The following CACHD1 variants were observed in gnomAD, a reference collection of about 807,000 sequenced individuals.
CACHD1 encodes cache domain containing 1.
In CACHD1, 71 loss-of-function variants were observed where a neutral mutation model predicts 138.7. The ratio of observed to expected loss-of-function variants is 0.51; its 90% CI spans 0.42 to 0.62. The LOEUF (loss-of-function observed/expected upper bound fraction) is 0.62. Ranked by LOEUF, CACHD1 falls within the 20% of genes least tolerant of loss-of-function variation. CACHD1 has a pLI of 0.00. For synonymous variants in CACHD1, 578 were observed against 591.5 expected, an observed-to-expected ratio of 0.98 and a Z score of 0.33; for missense variants, 1,389 against 1,625.3, an observed-to-expected ratio of 0.85 and a Z score of 2.50.
At chr1:64,494,671 A>G (rs1022330578) in intron 1 of CACHD1, among the ~76,000 whole-genome samples, 1 of 152,210 alleles carries the variant, frequency 6.6e-6, no homozygotes, top group East Asian at 1.9e-4. Flanking sequence ...TTGACAGGAT[A>G]TGGTTGCTTA....
At chr1:64,538,380 A>G (rs1301958108) in intron 1 of CACHD1, among the ~76,000 whole-genome samples, 1 of 152,230 alleles carries the variant, frequency 6.6e-6, no homozygotes, top group East Asian at 1.9e-4. Flanking sequence ...TTTTTAAACA[A>G]TTTAAGTCAG....
At chr1:64,654,606 C>T (rs1223030933) in intron 11 of CACHD1, 80 bp from the exon 12 acceptor site, 1 of 1,018,926 alleles carries the variant, frequency 9.8e-7, no homozygotes, top group Admixed American at 1.9e-5. Flanking sequence ...GCCATTGACT[C>T]AACAGCTTCT....
rs913096133 is a variant in CACHD1 at position 64,672,778 on chromosome 1, T to G, written c.2511-380T>G. 3.9e-4 allele frequency among the ~76,000 whole-genome samples: 59 copies of G among 152,176 alleles called. 1 individual carries two copies. Among genetic ancestry groups the G allele is most frequent in the Non-Finnish European group, 1.6e-4 (11 of 68,042 alleles). ...ATATGCTTTACTTCAAATCTGTCAG[T>G]AGAAATACTCAAGTCTACTTCCTTT... On this transcript the variant is annotated intron_variant, in intron 17 of 26. Coordinates refer to ENST00000651257, the MANE Select transcript of CACHD1 (RefSeq NM_020925.4).
chr1:64,666,092 C>A lies in CACHD1; in HGVS notation c.2312C>A (p.Ser771Tyr). Residue 771 changes from serine to tyrosine, a missense_variant, in exon 16 of 27, where the codon TCT becomes TAT. By Grantham distance (144) the Ser-to-Tyr change is moderately radical (BLOSUM62 -2). Around this residue, in one of 5 missense-constraint regions of CACHD1, gnomAD observed 1,000 missense variants for 1,114.7 expected, o/e 0.90. Coordinates refer to ENST00000651257, the MANE Select transcript of CACHD1 (RefSeq NM_020925.4). ...GCAGTAGCTAATCCAGGGTTGATTTCTTTGACTGGTCCTTACTTAGATGTT... is the reference window on the plus strand; with the variant it reads ...GCAGTAGCTAATCCAGGGTTGATTTATTTGACTGGTCCTTACTTAGATGTT... The part of the protein sequence containing the change: ...LHAVANPGLI[S>Y]LTGPYLDVGG... 1 of 1,612,648 alleles carries A rather than the reference C, an allele frequency of 6.2e-7. No homozygotes were observed. The highest frequency in any genetic ancestry group is 1.1e-5 in the South Asian group (1 of 90,990).
At chr1:64,569,263 TA>T (rs1274503583) in intron 2 of CACHD1, among the ~76,000 whole-genome samples, 6 of 152,168 alleles carry the variant, frequency 3.9e-5, no homozygotes, top group Middle Eastern at 3.4e-3. Context: ...GAAATACAAA[TA>T]AAAAAATAAA....
At position 64,678,286 on chromosome 1, in the gene CACHD1, T is replaced by G. The variant is rs1650060474; in HGVS notation, c.3220T>G (p.Tyr1074Asp). Residue 1074 changes from tyrosine to aspartate, a missense_variant, in exon 23 of 27, where the codon TAC becomes GAC. Tyr to Asp is a radical substitution (Grantham distance 160). Around this residue, in one of 5 missense-constraint regions of CACHD1, gnomAD observed 250 missense variants for 292.9 expected, o/e 0.85. Coordinates refer to ENST00000651257, the MANE Select transcript of CACHD1 (RefSeq NM_020925.4). ...FGGIVGAKSP[Y>D]VDDMGAIGDE... ...GGGGATTGTGGGAGCCAAAAGTCCC[T>G]ACGTTGATGACATGGGAGCAATAGG... 1.3e-6 allele frequency: 2 copies of G among 1,589,184 alleles called. No individual in the cohort carries two copies. Among genetic ancestry groups the G allele is most frequent in the Non-Finnish European group, 8.5e-7 (1 of 1,171,492 alleles).
intron 1 of CACHD1, among the ~76,000 whole-genome samples, chr1:64,533,309 T>C (rs1241062731): frequency 1.3e-5 from 2 of 152,180 alleles, no homozygotes; most frequent in Admixed American, 6.5e-5. Flanking sequence ...TGAGATGAGA[T>C]TGTGCCATCA....
intron 1 of CACHD1, among the ~76,000 whole-genome samples, chr1:64,514,040 T>C (rs1646441252): frequency 6.6e-6 from 1 of 152,222 alleles, no homozygotes; most frequent in Non-Finnish European, 1.5e-5. Context: ...TAAAAAACAA[T>C]TGGAGGAAAA....
chr1:64,639,715 T>A (rs1294542840), intron 7 of CACHD1, among the ~76,000 whole-genome samples: 1 of 152,252 alleles, frequency 6.6e-6, no homozygotes, highest in Non-Finnish European at 1.5e-5. Context: ...AAATTCAAGT[T>A]TTGTGTCTTC....
intron 3 of CACHD1, among the ~76,000 whole-genome samples, chr1:64,597,856 T>A (rs1647169551): frequency 6.6e-6 from 1 of 152,166 alleles, no homozygotes; most frequent in Admixed American, 6.6e-5. Flanking sequence ...TACTTCTTAA[T>A]GAAAAATCTT....
At chr1:64,589,185 G>A (rs1459080156) in intron 3 of CACHD1, among the ~76,000 whole-genome samples, 1 of 152,164 alleles carries the variant, frequency 6.6e-6, no homozygotes, top group Non-Finnish European at 1.5e-5. Flanking sequence ...GGAGCTCTTT[G>A]AGTTGGGGCA....
intron 1 of CACHD1, among the ~76,000 whole-genome samples, chr1:64,529,545 G>A (rs1160223957): frequency 6.6e-6 from 1 of 152,040 alleles, no homozygotes; most frequent in Non-Finnish European, 1.5e-5. Context: ...TATTACATTA[G>A]CAACAATAAA....
At chr1:64,588,221 C>A (rs1647066744) in intron 3 of CACHD1, among the ~76,000 whole-genome samples, 1 of 152,146 alleles carries the variant, frequency 6.6e-6, no homozygotes, top group Non-Finnish European at 1.5e-5. Context: ...CATGTGCCTT[C>A]CCTGTTATGC....
intron 1 of CACHD1, among the ~76,000 whole-genome samples, chr1:64,530,637 G>A (rs1016561860): frequency 6.6e-6 from 1 of 152,120 alleles, no homozygotes; most frequent in Non-Finnish European, 1.5e-5. Flanking sequence ...TTGGGAGGCC[G>A]AGGTGGGCGG....
rs1646389979 is a variant in CACHD1, at chr1:64,507,965, A to G, written c.198+37023A>G. 3.3e-5 allele frequency among the ~76,000 whole-genome samples: 5 copies of G among 152,304 alleles called. No homozygotes were observed. The South Asian group carries it at 1.0e-3, about 32-fold the overall frequency. ...AAATATCTGAGACTGGGGAATTTAT[A>G]AAGAAAAGTGGTTTAATTGGCTCAG... On this transcript the variant is annotated intron_variant, in intron 1 of 26. Coordinates refer to ENST00000651257, the MANE Select transcript of CACHD1 (RefSeq NM_020925.4).
chr1:64,559,518 G>A (rs888681447), intron 2 of CACHD1, among the ~76,000 whole-genome samples: 8 of 152,112 alleles, frequency 5.3e-5, no homozygotes, highest in African/African-American at 1.4e-4. Context: ...TAGGAGGAGG[G>A]AGAGGAGCAG....
rs543306466 is a variant in CACHD1 at position 64,486,935 on chromosome 1, G to C, written c.198+15993G>C. Among the ~76,000 whole-genome samples, 4 of 152,300 alleles carry C rather than the reference G, an allele frequency of 2.6e-5. No homozygotes were observed. The South Asian group carries it at 8.3e-4, about 32-fold the overall frequency. On this transcript the variant is annotated intron_variant, in intron 1 of 26. Coordinates refer to ENST00000651257, the MANE Select transcript of CACHD1 (RefSeq NM_020925.4). ...GGAGTTCAAAGAAGGCTTCTTGGGG[G>C]TGCTGATATTTGAGTGGAGGCATGA...
Position 64,664,571 on chromosome 1 carries a change from G to A in CACHD1, c.2168G>A (p.Ser723Asn), listed in dbSNP as rs775356778. 24 of 1,614,054 alleles carry A rather than the reference G, an allele frequency of 1.5e-5. No individual in the cohort carries two copies. Among genetic ancestry groups the A allele is most frequent in the Non-Finnish European group, 2.0e-5 (24 of 1,180,032 alleles). ...DEWMTQMEMS[S>N]LNTYIVRRYI... ...TGGATGACACAAATGGAAATGAGTA[G>A]CCTGAACACTTACATTGTCCGCCGT... Residue 723 changes from serine to asparagine, a missense_variant, in exon 15 of 27, where the codon AGC becomes AAC. Transcript: ENST00000651257.
intron 3 of CACHD1, 36 bp downstream of exon 3, chr1:64,582,340 A>G: frequency 6.3e-7 from 1 of 1,579,944 alleles, no homozygotes; most frequent in Non-Finnish European, 8.7e-7. Flanking sequence ...TGTATAAACC[A>G]GACATTGAAT....
Sources: allele counts gnomAD v4.1 joint callset (sites outside exome capture counted in the v4.1 genomes callset), GRCh38; gene constraint gnomAD v4.1.1; regional missense constraint gnomAD v4.1.1; transcripts MANE v1.5; gene names NCBI Gene and HGNC (gene_info 2026-07-23, HGNC 2026-07-21).